The following GOLGA4 variants were observed in gnomAD, a reference collection of about 807,000 sequenced individuals.
GOLGA4 encodes the protein golgin A4, also known as golgin subfamily A member 4.
A neutral mutation model predicts 265.9 loss-of-function variants in GOLGA4; 169 were observed. The ratio of observed to expected loss-of-function variants is 0.64; its 90% CI spans 0.56 to 0.72. The LOEUF is 0.72. Among genes scored for constraint, GOLGA4 ranks in the 30% least tolerant of loss-of-function variants. GOLGA4 has a pLI of 0.00. For synonymous variants in GOLGA4, 923 were observed against 855.8 expected (o/e 1.08, Z -1.37); for missense variants, 2,482 against 2,483.4 (o/e 1.00, Z 0.01).
At chr3:37,364,768 A>T (rs1696619311) in intron 23 of GOLGA4, among the ~76,000 whole-genome samples, 1 of 149,406 alleles carries the variant, frequency 6.7e-6, no homozygotes. Flanking sequence ...TTTAAAAAAA[A>T]GTTTGTAGAT....
chr3:37,321,773 G>C lies in GOLGA4; in HGVS notation c.1588G>C (p.Glu530Gln). The change falls in exon 13 of 24, where the codon GAA (glutamate) becomes CAA (glutamine). Residue 530 changes from glutamate (E) to glutamine (Q), a missense_variant. By Grantham distance (29) the Glu-to-Gln change is conservative. This residue lies in a region of GOLGA4 where 1,536 missense variants were observed against 1,483.7 expected (regional missense o/e 1.04). Coordinates refer to ENST00000361924, the MANE Select transcript of GOLGA4 (RefSeq NM_002078.5). ...SEYLKISQEK[E>Q]QQESLALEEL... ...ATATTTGAAGATCAGCCAAGAAAAA[G>C]AACAGCAAGAATCTTTGGCCCTAGA... is the stretch of plus-strand genomic sequence containing the variant. The C allele has an allele frequency of 6.2e-7, 1 of 1,611,628 alleles. No homozygotes were observed. The highest frequency in any genetic ancestry group is 8.5e-7 in the Non-Finnish European group (1 of 1,179,294).
intron 2 of GOLGA4, among the ~76,000 whole-genome samples, chr3:37,261,494 T>G (rs2096769780): frequency 6.6e-6 from 1 of 152,200 alleles, no homozygotes; most frequent in Admixed American, 6.5e-5. Context: ...AATTAAGCCC[T>G]ATGGAAAATG....
chr3:37,309,285 A>G (rs1243069533), intron 10 of GOLGA4, among the ~76,000 whole-genome samples: 30 of 137,330 alleles, frequency 2.2e-4, no homozygotes, highest in South Asian at 7.1e-4. Context: ...GCCGGGCGTG[A>G]TGGCTCATGC....
chr3:37,364,991 G>A (rs567837693), intron 23 of GOLGA4, among the ~76,000 whole-genome samples: 2 of 152,030 alleles, frequency 1.3e-5, no homozygotes, highest in African/African-American at 2.4e-5. Context: ...GACTTCCCAG[G>A]CTCAAGCGAT....
intron 22 of GOLGA4, among the ~76,000 whole-genome samples, chr3:37,358,489 G>C (rs1398500757): frequency 1.3e-5 from 2 of 152,212 alleles, no homozygotes; most frequent in East Asian, 1.9e-4. Context: ...GTTTATTTGA[G>C]GGTCTTGGTG....
Position 37,321,829 on chromosome 3 carries a change from C to T in GOLGA4, c.1644C>T (p.Leu548=), listed in dbSNP as rs1292716086. The change falls in exon 13 of 24, where the codon CTC becomes CTT. Residue 548 remains leucine (L), a synonymous_variant. Coordinates refer to ENST00000361924, the MANE Select transcript of GOLGA4 (RefSeq NM_002078.5). Reference sequence around the variant, plus strand: ...TAGAGTTGCAGAAAAAAGCAATCCTCACAGAAAGTGAAAATAAACTTCGGG... The same window carrying T: ...TAGAGTTGCAGAAAAAAGCAATCCTTACAGAAAGTGAAAATAAACTTCGGG... ...EELELQKKAI[L]TESENKLRDL... The T allele has an allele frequency of 1.9e-6, 3 of 1,612,924 alleles. No homozygotes were observed. The highest frequency in any genetic ancestry group is 1.7e-6 in the Non-Finnish European group (2 of 1,179,532).
chr3:37,321,071 C>G (rs1299081126), intron 12 of GOLGA4, among the ~76,000 whole-genome samples: 2 of 152,082 alleles, frequency 1.3e-5, no homozygotes, highest in Non-Finnish European at 1.5e-5. Context: ...GTACACTTGT[C>G]TTAATTGGAG....
chr3:37,287,245 G>A (rs2096852049), intron 4 of GOLGA4, among the ~76,000 whole-genome samples: 1 of 152,152 alleles, frequency 6.6e-6, no homozygotes, highest in Non-Finnish European at 1.5e-5. Context: ...GGAGGCTGAG[G>A]CAGGAGAATT....
At position 37,323,698 on chromosome 3, in the gene GOLGA4, G is replaced by C; in HGVS notation, c.1812G>C (p.Glu604Asp). The C allele has an allele frequency of 6.2e-7, 1 of 1,613,578 alleles. No homozygotes were observed. Among genetic ancestry groups the C allele is most frequent in the Non-Finnish European group, 8.5e-7 (1 of 1,179,854 alleles). ...LEAEKNKHNK[E>D]ITVMVEKHKT... is the part of the protein sequence containing the mutation. ...CTGAAAAAAATAAGCACAATAAGGA[G>C]ATTACAGTCATGGTTGAAAAACACA... The change falls in exon 14 of 24, where the codon GAG becomes GAC. Residue 604 changes from glutamate to aspartate, a missense_variant. This residue lies in a region of GOLGA4 where 1,536 missense variants were observed against 1,483.7 expected (regional missense o/e 1.04). Transcript: ENST00000361924.
chr3:37,317,649 A>G (rs929098377), intron 11 of GOLGA4, among the ~76,000 whole-genome samples: 4 of 152,216 alleles, frequency 2.6e-5, no homozygotes, highest in Non-Finnish European at 5.9e-5. Context: ...TTTCCCCCCA[A>G]TAAAGATGGC....
Position 37,324,725 on chromosome 3 carries a change from A to G in GOLGA4, c.2839A>G (p.Thr947Ala). ...TCATATTTTGAATGAGGAATATGAA[A>G]CCAAATTTAAAAACCAAGAAAAAAA... The part of the protein sequence containing the change: ...SIHILNEEYE[T>A]KFKNQEKKME... Residue 947 changes from threonine (T) to alanine (A), a missense_variant, in exon 14 of 24, where the codon ACC becomes GCC. Thr to Ala is a moderately conservative substitution (Grantham distance 58). This residue lies in a region of GOLGA4 where 1,536 missense variants were observed against 1,483.7 expected (regional missense o/e 1.04). Coordinates refer to ENST00000361924, the MANE Select transcript of GOLGA4 (RefSeq NM_002078.5). 6.3e-7 allele frequency: 1 copy of G among 1,588,572 alleles called. No individual in the cohort carries two copies. Among genetic ancestry groups the G allele is most frequent in the Non-Finnish European group, 8.5e-7 (1 of 1,173,164 alleles).
intron 5 of GOLGA4, among the ~76,000 whole-genome samples, chr3:37,292,203 A>C (rs528369901): frequency 1.3e-5 from 2 of 152,162 alleles, no homozygotes; most frequent in African/African-American, 4.8e-5. Context: ...TAGGACTGCT[A>C]TGTAACAGAG....
At chr3:37,261,661 A>G (rs1198650688) in intron 2 of GOLGA4, among the ~76,000 whole-genome samples, 2 of 152,182 alleles carry the variant, frequency 1.3e-5, no homozygotes, top group African/African-American at 4.8e-5. Context: ...TGTTCTATAC[A>G]GAGGAGATTT....
chr3:37,274,305 TTAG>T (rs2096807512), intron 2 of GOLGA4, among the ~76,000 whole-genome samples: 1 of 152,030 alleles, frequency 6.6e-6, no homozygotes, highest in African/African-American at 2.4e-5. Flanking sequence ...CTACTAGAGT[TTAG>T]GTTGTCCTTG....
At chr3:37,263,242 C>T (rs746611589) in intron 2 of GOLGA4, among the ~76,000 whole-genome samples, 6 of 152,134 alleles carry the variant, frequency 3.9e-5, no homozygotes, top group Non-Finnish European at 8.8e-5. Context: ...ACCATGTATC[C>T]TAGGTATGTA....
Position 37,340,166 on chromosome 3 carries a change from G to T in GOLGA4, c.6439G>T (p.Val2147Leu), listed in dbSNP as rs571961856. The T allele has an allele frequency of 7.0e-7, 1 of 1,434,264 alleles. No homozygotes were observed. The highest frequency in any genetic ancestry group is 2.4e-5 in the East Asian group (1 of 41,646). The allele number at this position is 1,434,264 out of a possible 1,614,324, so 88.8% of individuals were successfully genotyped here. ...CCGTTTGAAGAAATATGAAAAGAAT[G>T]TATATGCAACAACTGTGGGGACACC... ...EDRLKKYEKN[V>L]YATTVGTPYK... is the part of the protein sequence containing the mutation. Residue 2147 changes from valine to leucine, a missense_variant, in exon 20 of 24, where the codon GTA (valine) becomes TTA (leucine). This residue lies in a region of GOLGA4 where 942 missense variants were observed against 983.1 expected (regional missense o/e 0.96). Coordinates refer to ENST00000361924, the MANE Select transcript of GOLGA4 (RefSeq NM_002078.5).
chr3:37,351,708 A>G (rs1278855880), intron 21 of GOLGA4, among the ~76,000 whole-genome samples: 1 of 152,170 alleles, frequency 6.6e-6, no homozygotes, highest in East Asian at 1.9e-4. Context: ...ATTATCAATG[A>G]GCAGTAATAT....
intron 2 of GOLGA4, among the ~76,000 whole-genome samples, chr3:37,252,334 T>A (rs1333507998): frequency 4.0e-5 from 6 of 151,608 alleles, no homozygotes; most frequent in African/African-American, 9.7e-5. Flanking sequence ...TTTTTTTTTT[T>A]AATAGTTTTA....
At chr3:37,319,243 A>G in intron 12 of GOLGA4, 49 bp downstream of exon 12, 1 of 1,454,670 alleles carries the variant, frequency 6.9e-7, no homozygotes, top group South Asian at 1.3e-5. Context: ...TCTCAGAGTT[A>G]CAAAGTTATC....
Sources: gnomAD v4.1 joint callset for allele counts (sites outside exome capture counted in the v4.1 genomes callset) on GRCh38, gnomAD v4.1.1 for gene constraint, gnomAD v4.1.1 regional missense constraint, MANE v1.5 for transcripts, NCBI Gene and HGNC (gene_info 2026-07-23, HGNC 2026-07-21) for gene names.